Variants in OXR1 observed in about 807,000 individuals in gnomAD.
The protein encoded by OXR1 is oxidation resistance protein 1.
Under a neutral mutation model 104.6 loss-of-function variants are expected in OXR1, and 41 were observed. That is an observed-to-expected ratio of 0.39 (90% confidence interval 0.31 to 0.51). The LOEUF is 0.51. OXR1 is among the 20% of genes least tolerant of loss of function. The probability of loss-of-function intolerance (pLI) is 0.77; values close to 1 mark genes in which losing one functional copy is unlikely to be tolerated. For missense variants in OXR1, 955 were observed against 1,031.9 expected (o/e 0.93, Z 1.02); for synonymous variants, 348 against 348.4 (o/e 1.00, Z 0.01).
intron 3 of OXR1, among the ~76,000 whole-genome samples, chr8:106,654,263 A>G (rs1266043415): frequency 6.6e-6 from 1 of 152,138 alleles, no homozygotes; most frequent in Non-Finnish European, 1.5e-5. Flanking sequence ...AAAATGAAGA[A>G]CAAAATGGGA....
intron 1 of OXR1, among the ~76,000 whole-genome samples, chr8:106,328,529 C>T (rs972547255): frequency 5.3e-5 from 8 of 152,106 alleles, no homozygotes; most frequent in Admixed American, 4.6e-4. Context: ...TAAGCAAAGG[C>T]GGTCCTGCTG....
intron 11 of OXR1, among the ~76,000 whole-genome samples, chr8:106,732,120 A>G (rs184903838): frequency 6.6e-6 from 1 of 152,130 alleles, no homozygotes; most frequent in Non-Finnish European, 1.5e-5. Context: ...AATTATATGT[A>G]TTTCATTTAC....
intron 10 of OXR1, among the ~76,000 whole-genome samples, chr8:106,713,586 A>G (rs983337704): frequency 2.0e-5 from 3 of 151,990 alleles, no homozygotes; most frequent in Non-Finnish European, 4.4e-5. Context: ...GAACTAGTCA[A>G]ACACATGCCA....
intron 1 of OXR1, 92 bp from the exon 2 acceptor site, chr8:106,359,384 C>A: frequency 2.0e-6 from 1 of 499,906 alleles, no homozygotes; most frequent in Non-Finnish European, 3.6e-6. Flanking sequence ...TATCTTATAC[C>A]ATGACAAAAC....
chr8:106,470,589 T>C (rs1821437701), intron 2 of OXR1, among the ~76,000 whole-genome samples: 1 of 151,706 alleles, frequency 6.6e-6, no homozygotes, highest in African/African-American at 2.4e-5. Context: ...TTTGAGAATT[T>C]TGGAGAGATC....
chr8:106,302,054 G>A (rs1813256087), intron 1 of OXR1, among the ~76,000 whole-genome samples: 1 of 152,168 alleles, frequency 6.6e-6, no homozygotes, highest in South Asian at 2.1e-4. Flanking sequence ...AGAAAGACCT[G>A]TCTACTTATA....
At chr8:106,617,743 T>C (rs1488298415) in intron 3 of OXR1, among the ~76,000 whole-genome samples, 1 of 152,212 alleles carries the variant, frequency 6.6e-6, no homozygotes, top group Non-Finnish European at 1.5e-5. Flanking sequence ...TTGTTGCTAT[T>C]AGGACTATAA....
intron 2 of OXR1, among the ~76,000 whole-genome samples, chr8:106,401,829 G>T (rs527597397): frequency 6.6e-6 from 1 of 152,260 alleles, no homozygotes; most frequent in South Asian, 2.1e-4. Context: ...TGCTCAGTAG[G>T]TCTGATCAGC....
chr8:106,621,192 A>C (rs35638470), intron 3 of OXR1, among the ~76,000 whole-genome samples: 25,235 of 152,118 alleles, frequency 0.17, 2,251 homozygotes, highest in East Asian at 0.37. Context: ...AACCCACAGT[A>C]TCTCTGTGGT....
At chr8:106,421,001 A>T (rs1256595094) in intron 2 of OXR1, among the ~76,000 whole-genome samples, 1 of 152,132 alleles carries the variant, frequency 6.6e-6, no homozygotes, top group Non-Finnish European at 1.5e-5. Flanking sequence ...CCCATCAATA[A>T]AACCTGTCCT....
At chr8:106,704,363 CTTTCTT>C (rs1032067008) in intron 8 of OXR1, among the ~76,000 whole-genome samples, 4 of 88,896 alleles carry the variant, frequency 4.5e-5, no homozygotes, top group East Asian at 3.2e-4. Context: ...TCCTCCTTTT[CTTTCTT>C]TTTCTTTTTC....
rs186126103 is a variant in OXR1 at position 106,678,559 on chromosome 8, C to G, written c.221-651C>G. Among the ~76,000 whole-genome samples, 22 of 151,792 alleles carry G rather than the reference C, an allele frequency of 1.4e-4. No individual in the cohort carries two copies. In the East Asian group the frequency reaches 3.1e-3, roughly 21 times the overall value. On this transcript the variant is annotated intron_variant, in intron 3 of 16. Transcript: ENST00000517566. The stretch of plus-strand genomic sequence containing the variant: ...ATAGATGAAAAGGTTAACACTAATA[C>G]AAAATTTAAAGGGAAGCAGTTTCGC...
At chr8:106,476,782 G>A (rs532125411) in intron 2 of OXR1, among the ~76,000 whole-genome samples, 2 of 151,894 alleles carry the variant, frequency 1.3e-5, no homozygotes, top group Non-Finnish European at 2.9e-5. Flanking sequence ...GTCCTTTCCC[G>A]GCACCTCAGT....
chr8:106,316,415 G>T (rs1813940061), intron 1 of OXR1, among the ~76,000 whole-genome samples: 1 of 152,108 alleles, frequency 6.6e-6, no homozygotes, highest in Admixed American at 6.5e-5. Flanking sequence ...AGGACAGGCA[G>T]GGCTTTTTGG....
chr8:106,692,922 T>A, intron 7 of OXR1, 45 bp downstream of exon 7: 2 of 1,354,096 alleles, frequency 1.5e-6, no homozygotes, highest in Non-Finnish European at 2.1e-6. Context: ...ATGCTTTAGT[T>A]ATTACTAATG....
At chr8:106,731,088 A>G (rs10110610) in intron 11 of OXR1, among the ~76,000 whole-genome samples, 21,217 of 152,104 alleles carry the variant, frequency 0.14, 1,803 homozygotes, top group East Asian at 0.37. Flanking sequence ...TGATATCTCA[A>G]TCATTTTAAT....
chr8:106,280,407 A>C (rs551175373), intron 1 of OXR1, among the ~76,000 whole-genome samples: 1 of 152,272 alleles, frequency 6.6e-6, no homozygotes, highest in South Asian at 2.1e-4. Flanking sequence ...AATCTGCTTC[A>C]TGCCTTTCTC....
intron 3 of OXR1, among the ~76,000 whole-genome samples, chr8:106,644,639 C>A (rs1199689760): frequency 6.6e-6 from 1 of 152,094 alleles, no homozygotes; most frequent in African/African-American, 2.4e-5. Flanking sequence ...GGCTGAGGCA[C>A]CTGGAGCGTA....
At chr8:106,291,315 A>G (rs1812741509) in intron 1 of OXR1, among the ~76,000 whole-genome samples, 1 of 152,184 alleles carries the variant, frequency 6.6e-6, no homozygotes. Flanking sequence ...GATGTGACTC[A>G]AAAAACTACC....
Sources: gnomAD v4.1 joint callset for allele counts (sites outside exome capture counted in the v4.1 genomes callset) on GRCh38, gnomAD v4.1.1 for gene constraint, MANE v1.5 for transcripts, NCBI Gene and HGNC (gene_info 2026-07-23, HGNC 2026-07-21) for gene names.